Variants in RNASET2 observed in about 807,000 individuals in gnomAD.
The protein encoded by RNASET2 is ribonuclease T2, also known as ribonuclease 6.
RNASET2 carries 28 observed loss-of-function variants against 33.9 expected under a neutral mutation model. The ratio of observed to expected loss-of-function variants is 0.83; its 90% CI spans 0.61 to 1.13. The LOEUF is 1.13. RNASET2 is among the 50% of genes most tolerant of loss of function. The probability of loss-of-function intolerance (pLI) is 0.00; values close to 1 mark genes in which losing one functional copy is unlikely to be tolerated. For synonymous variants in RNASET2, 123 were observed against 121.0 expected (o/e 1.02, Z -0.11); for missense variants, 330 against 319.9 (o/e 1.03, Z -0.24).
chr6:166,947,533 G>A (rs540219598), intron 3 of RNASET2, among the ~76,000 whole-genome samples: 2 of 152,158 alleles, frequency 1.3e-5, no homozygotes, highest in South Asian at 2.1e-4. Context: ...GAAATGAAAC[G>A]GCCATGATGG....
At chr6:166,955,385 ACACACACACG>A in intron 1 of RNASET2, 1 of 325,700 alleles carries the variant, frequency 3.1e-6, no homozygotes, top group Non-Finnish European at 3.5e-6. Flanking sequence ...GCACACGCAC[ACACACACACG>A]CGCACACACA....
In RNASET2 at chr6:166,956,244, G is replaced by A; in HGVS notation, c.-62C>T. On this transcript the variant is annotated 5_prime_UTR_variant, in exon 1 of 9. Coordinates refer to ENST00000508775, the MANE Select transcript of RNASET2 (RefSeq NM_003730.6). ...CTCCGGCTCCCACTTCCCACCTGCT[G>A]CCCGAGGAAGACTTCCGGGAGAAAC... 1.4e-6 allele frequency: 2 copies of A among 1,413,654 alleles called. No homozygotes were observed. Among genetic ancestry groups the A allele is most frequent in the Non-Finnish European group, 2.0e-6 (2 of 1,023,756 alleles). 87.6% of individuals were successfully genotyped at this position (1,413,654 alleles called of 1,614,324 possible).
rs1478641110 is a variant in RNASET2 at position 166,925,198 on chromosome 6, C to A, written c.*4390G>T. ...CCAGCCCTCACTCCTGCCGCCCAGC[C>A]CTCACCTCTGCTGTCCAGGCATCAC... On this transcript the variant is annotated 3_prime_UTR_variant, in exon 9 of 9. Transcript: ENST00000508775. Among the ~76,000 whole-genome samples, 3 of 151,636 alleles carry A rather than the reference C, an allele frequency of 2.0e-5. No individual in the cohort carries two copies. The East Asian group carries it at 5.8e-4, about 29-fold the overall frequency.
In RNASET2 at chr6:166,926,697, T is replaced by C. The variant is rs1045604600; in HGVS notation, c.*2891A>G. 5.3e-5 allele frequency among the ~76,000 whole-genome samples: 8 copies of C among 152,240 alleles called. No individual in the cohort carries two copies. The highest frequency in any genetic ancestry group is 6.8e-3 in the Middle Eastern group (2 of 294). ...TTGTCCCCTCCCAGGCCAAGAGAAA[T>C]GCTCTTGGGTACAGCAATAGCCCTG... On this transcript the variant is annotated 3_prime_UTR_variant, in exon 9 of 9. Transcript: ENST00000508775.
chr6:166,922,348 CTCA>C lies in RNASET2; in HGVS notation c.*7237_*7239del, dbSNP rs1778248395. Among the ~76,000 whole-genome samples, 2 of 152,154 alleles carry C rather than the reference CTCA, an allele frequency of 1.3e-5. No individual in the cohort carries two copies. The highest frequency in any genetic ancestry group is 4.8e-5 in the African/African-American group (2 of 41,424). On this transcript the variant is annotated 3_prime_UTR_variant, in exon 9 of 9. Coordinates refer to ENST00000508775, the MANE Select transcript of RNASET2 (RefSeq NM_003730.6). ...CCTGATAATATCTTACACCTCATCTCTCATCATCAGCAAGTTGCATCCCACTGA... is the reference window on the plus strand; with the variant it reads ...CCTGATAATATCTTACACCTCATCTCTCATCAGCAAGTTGCATCCCACTGA...
rs573581108 is a variant in RNASET2, at chr6:166,939,240, G to T, written c.333-232C>A. 2.0e-5 allele frequency among the ~76,000 whole-genome samples: 3 copies of T among 152,250 alleles called. No individual in the cohort carries two copies. In the South Asian group the frequency reaches 6.2e-4, roughly 32 times the overall value. ...TCCCAGCTACTCAGGAGGCTGAGGA[G>T]GAGAATCGCTTGAACCCGGGAGGCA... is the stretch of plus-strand genomic sequence containing the variant. On this transcript the variant is annotated intron_variant, in intron 5 of 8. Coordinates refer to ENST00000508775, the MANE Select transcript of RNASET2 (RefSeq NM_003730.6).
Position 166,929,374 on chromosome 6 carries a change from C to T in RNASET2, c.*214G>A, listed in dbSNP as rs1778364232. The T allele has an allele frequency of 3.2e-6, 2 of 624,060 alleles. No individual in the cohort carries two copies. Among genetic ancestry groups the T allele is most frequent in the East Asian group, 2.7e-5 (1 of 37,378 alleles). 38.7% of individuals were successfully genotyped at this position (624,060 alleles called of 1,614,324 possible). A position where few individuals can be genotyped will look rare whatever the true frequency, so the allele number is the denominator to read the frequency against. Reference sequence around the variant, plus strand: ...AAAAAAAACAATCTGTGAGCTTTATCCCAAGCACAAAACAGCCACTCAGGC... The same window carrying T: ...AAAAAAAACAATCTGTGAGCTTTATTCCAAGCACAAAACAGCCACTCAGGC... On this transcript the variant is annotated 3_prime_UTR_variant, in exon 9 of 9. Transcript: ENST00000508775.
intron 6 of RNASET2, chr6:166,934,569 G>T: frequency 4.4e-6 from 1 of 229,492 alleles, no homozygotes; most frequent in Non-Finnish European, 8.7e-6. Flanking sequence ...GTGAAGGCCT[G>T]CATGTACGAG....
chr6:166,938,304 G>A (rs1317151236), intron 6 of RNASET2, among the ~76,000 whole-genome samples: 3 of 152,126 alleles, frequency 2.0e-5, no homozygotes, highest in Non-Finnish European at 4.4e-5. Flanking sequence ...AACCAGATTC[G>A]GACAGTGAGT....
intron 7 of RNASET2, chr6:166,931,680 T>TCC (rs1054859514): frequency 3.0e-5 from 5 of 167,322 alleles, no homozygotes; most frequent in Non-Finnish European, 6.5e-5. Context: ...ACTGAGGGAG[T>TCC]CCTCCCCCAC....
At chr6:166,946,531 C>T (rs1034277048) in intron 4 of RNASET2, 151 bp downstream of exon 4, 1 of 671,754 alleles carries the variant, frequency 1.5e-6, no homozygotes, top group Middle Eastern at 4.0e-4. Context: ...GTCGAGATAA[C>T]AATACTTACT....
At chr6:166,951,473 T>C (rs866490066) in intron 2 of RNASET2, among the ~76,000 whole-genome samples, 1 of 152,226 alleles carries the variant, frequency 6.6e-6, no homozygotes, top group Non-Finnish European at 1.5e-5. Context: ...CCCTAGGCAC[T>C]GACGCTACCA....
intron 6 of RNASET2, among the ~76,000 whole-genome samples, chr6:166,937,496 A>T (rs1215728712): frequency 6.6e-6 from 1 of 152,194 alleles, no homozygotes; most frequent in Non-Finnish European, 1.5e-5. Flanking sequence ...TGTTTCCTAA[A>T]ATATTGCTCT....
chr6:166,931,814 C>A, intron 7 of RNASET2: 2 of 155,276 alleles, frequency 1.3e-5, no homozygotes, highest in Non-Finnish European at 2.8e-5. Flanking sequence ...GCCTTTTGCC[C>A]CTTGCCTCAG....
intron 1 of RNASET2, chr6:166,953,594 AG>A (rs993361204): frequency 3.3e-5 from 5 of 152,230 alleles, no homozygotes; most frequent in African/African-American, 1.2e-4. Flanking sequence ...TCAGTATAAA[AG>A]GAAAAAAGGG....
intron 1 of RNASET2, among the ~76,000 whole-genome samples, chr6:166,955,217 A>ACG (rs1779088093): frequency 1.1e-5 from 1 of 88,634 alleles, no homozygotes; most frequent in African/African-American, 6.5e-5. Context: ...ACGCACGCAC[A>ACG]CACGCGCACA....
At chr6:166,945,848 GA>G (rs1778827299) in intron 4 of RNASET2, among the ~76,000 whole-genome samples, 2 of 143,290 alleles carry the variant, frequency 1.4e-5, no homozygotes, top group Non-Finnish European at 1.5e-5. Flanking sequence ...AAAAAAAAAA[GA>G]AAAGAAAAGA....
In RNASET2 at chr6:166,929,456, C is replaced by A. The variant is rs1267788664; in HGVS notation, c.*132G>T. 6 of 964,478 alleles carry A rather than the reference C, an allele frequency of 6.2e-6. No homozygotes were observed. In the East Asian group the frequency reaches 1.4e-4, roughly 23 times the overall value. The allele number at this position is 964,478 out of a possible 1,614,324, so 59.7% of individuals were successfully genotyped here. On this transcript the variant is annotated 3_prime_UTR_variant, in exon 9 of 9. Coordinates refer to ENST00000508775, the MANE Select transcript of RNASET2 (RefSeq NM_003730.6). ...ACATGCACTCACTCTACAGGGACCA[C>A]AACATCCAATTCACAGGCATGGAGG... is the stretch of plus-strand genomic sequence containing the variant.
chr6:166,948,773 C>T, intron 2 of RNASET2, 148 bp from the exon 3 acceptor site: 1 of 676,198 alleles, frequency 1.5e-6, no homozygotes, highest in African/African-American at 1.8e-5. Context: ...AAAGCCAGGG[C>T]TACTTCACAA....
Sources: allele counts gnomAD v4.1 joint callset (sites outside exome capture counted in the v4.1 genomes callset), GRCh38; gene constraint gnomAD v4.1.1; transcripts MANE v1.5; gene names NCBI Gene and HGNC (gene_info 2026-07-23, HGNC 2026-07-21).